The following MECOM variants were observed in gnomAD, a reference collection of about 807,000 sequenced individuals.
MECOM encodes MDS1 and EVI1 complex locus.
In MECOM, 13 loss-of-function variants were observed where a neutral mutation model predicts 116.3. The ratio of observed to expected loss-of-function variants is 0.11; its 90% CI spans 0.07 to 0.18. The LOEUF is 0.18. Ranked by LOEUF, MECOM falls within the 10% of genes least tolerant of loss-of-function variation. The pLI, the probability that MECOM is intolerant of heterozygous loss-of-function variation, is 1.00. For synonymous variants in MECOM, 528 were observed against 535.2 expected (o/e 0.99, Z 0.19); for missense variants, 1,299 against 1,509.0 (o/e 0.86, Z 2.31).
chr3:169,499,131 T>C (rs987628082), intron 1 of MECOM, among the ~76,000 whole-genome samples: 6 of 151,566 alleles, frequency 4.0e-5, no homozygotes, highest in East Asian at 1.9e-4. Flanking sequence ...TATGTATACA[T>C]ATATATACCA....
rs373095060 is a variant in MECOM, at chr3:169,433,633, GAGAA to G, written c.38-52113_38-52110del. On this transcript the variant is annotated intron_variant, in intron 1 of 16. Transcript: ENST00000651503. ...GGGAGGGAAGGAGAAAAGAAAGAAAGAGAAAGAGAAAGAAAGAAAGAAAGAAAGA... is the reference window on the plus strand; with the variant it reads ...GGGAGGGAAGGAGAAAAGAAAGAAAGAGAGAAAGAAAGAAAGAAAGAAAGA... Among the ~76,000 whole-genome samples the G allele has an allele frequency of 4.1e-3, 473 of 115,126 alleles. 1 individual carries two copies. The highest frequency in any genetic ancestry group is 6.5e-3 in the Non-Finnish European group (343 of 52,746). 75.5% of individuals were successfully genotyped at this position (115,126 alleles called of 152,430 possible).
intron 1 of MECOM, among the ~76,000 whole-genome samples, chr3:169,662,695 C>T (rs1401758985): frequency 6.6e-6 from 1 of 151,948 alleles, no homozygotes; most frequent in African/African-American, 2.4e-5. Flanking sequence ...ACTACCGCAG[C>T]CGCGGCTCGG....
chr3:169,454,113 C>T (rs893652088), intron 1 of MECOM, among the ~76,000 whole-genome samples: 13 of 152,070 alleles, frequency 8.5e-5, no homozygotes, highest in Non-Finnish European at 1.6e-4. Context: ...ATAATATTAA[C>T]TAAGAAATGT....
chr3:169,193,552 G>C (rs1246141100), intron 2 of MECOM, among the ~76,000 whole-genome samples: 1 of 151,780 alleles, frequency 6.6e-6, no homozygotes, highest in Non-Finnish European at 1.5e-5. Context: ...TTTTAGAACT[G>C]CACAGGGGTC....
At chr3:169,336,754 G>C (rs1723641156) in intron 2 of MECOM, among the ~76,000 whole-genome samples, 1 of 152,006 alleles carries the variant, frequency 6.6e-6, no homozygotes, top group African/African-American at 2.4e-5. Flanking sequence ...TTAAAAGCTT[G>C]ACAATGCTCT....
intron 14 of MECOM, 47 bp from the exon 15 acceptor site, chr3:169,090,283 A>T (rs1719257754): frequency 1.3e-6 from 2 of 1,528,510 alleles, no homozygotes; most frequent in Non-Finnish European, 1.8e-6. Flanking sequence ...TTTCATTTTT[A>T]AAATTGTAAT....
chr3:169,482,183 ATCTCACAG>A (rs1751392787), intron 1 of MECOM, among the ~76,000 whole-genome samples: 1 of 152,132 alleles, frequency 6.6e-6, no homozygotes, highest in South Asian at 2.1e-4. Context: ...AGGGGTCTAA[ATCTCACAG>A]TCTGTACTTC....
At chr3:169,649,992 G>C (rs1774687506) in intron 1 of MECOM, among the ~76,000 whole-genome samples, 1 of 152,172 alleles carries the variant, frequency 6.6e-6, no homozygotes, top group African/African-American at 2.4e-5. Context: ...AAAGGAATGG[G>C]CTGAACTAAT....
At chr3:169,346,135 A>C (rs926789332) in intron 2 of MECOM, among the ~76,000 whole-genome samples, 5 of 152,098 alleles carry the variant, frequency 3.3e-5, no homozygotes, top group African/African-American at 1.2e-4. Flanking sequence ...GTGAAGGTAC[A>C]ATGTTTTCCA....
At chr3:169,462,574 T>C (rs1268854477) in intron 1 of MECOM, among the ~76,000 whole-genome samples, 1 of 152,184 alleles carries the variant, frequency 6.6e-6, no homozygotes, top group Admixed American at 6.5e-5. Flanking sequence ...ATCAGTTAAT[T>C]TTCTATTTAG....
At chr3:169,603,963 G>C (rs949714696) in intron 1 of MECOM, among the ~76,000 whole-genome samples, 1 of 152,118 alleles carries the variant, frequency 6.6e-6, no homozygotes, top group African/African-American at 2.4e-5. Context: ...GAAGCTTTTT[G>C]GCACTCTAAG....
At chr3:169,521,930 A>G (rs1757395519) in intron 1 of MECOM, among the ~76,000 whole-genome samples, 1 of 152,214 alleles carries the variant, frequency 6.6e-6, no homozygotes, top group Admixed American at 6.5e-5. Flanking sequence ...AACTATTTAC[A>G]TTGTATTAGG....
chr3:169,197,870 C>T (rs2220393), intron 2 of MECOM, among the ~76,000 whole-genome samples: 3 of 151,784 alleles, frequency 2.0e-5, no homozygotes, highest in South Asian at 2.1e-4. Context: ...AACTGACAGG[C>T]GTTTGATTTA....
At chr3:169,325,378 T>C (rs757439448) in intron 2 of MECOM, among the ~76,000 whole-genome samples, 2 of 152,178 alleles carry the variant, frequency 1.3e-5, no homozygotes, top group Non-Finnish European at 2.9e-5. Context: ...GGCCATGACA[T>C]AACAACTGAA....
At chr3:169,544,320 T>C (rs1242174879) in intron 1 of MECOM, among the ~76,000 whole-genome samples, 3 of 152,190 alleles carry the variant, frequency 2.0e-5, no homozygotes, top group Non-Finnish European at 4.4e-5. Flanking sequence ...GACAAGTAAC[T>C]GATTAAAAAG....
chr3:169,225,572 A>T (rs1752630563), intron 2 of MECOM, among the ~76,000 whole-genome samples: 1 of 152,216 alleles, frequency 6.6e-6, no homozygotes, highest in Non-Finnish European at 1.5e-5. Flanking sequence ...TCTTGCTGAC[A>T]AAGATGAAAT....
chr3:169,178,986 T>G (rs961606459), intron 2 of MECOM, among the ~76,000 whole-genome samples: 3 of 152,218 alleles, frequency 2.0e-5, no homozygotes, highest in Admixed American at 2.0e-4. Flanking sequence ...TTTAATATAC[T>G]ACGCCCACAA....
At chr3:169,558,289 G>T (rs1436391199) in intron 1 of MECOM, among the ~76,000 whole-genome samples, 4 of 152,156 alleles carry the variant, frequency 2.6e-5, no homozygotes, top group African/African-American at 7.2e-5. Context: ...AAAAATAAAA[G>T]AAATAACTGA....
chr3:169,641,249 C>A (rs529241492), intron 1 of MECOM, among the ~76,000 whole-genome samples: 1 of 152,208 alleles, frequency 6.6e-6, no homozygotes, highest in Admixed American at 6.5e-5. Context: ...ACTGGAGGCA[C>A]AGCAGTGAGA....
Sources: gnomAD v4.1 joint callset for allele counts (sites outside exome capture counted in the v4.1 genomes callset) on GRCh38, gnomAD v4.1.1 for gene constraint, MANE v1.5 for transcripts, NCBI Gene and HGNC (gene_info 2026-07-23, HGNC 2026-07-21) for gene names.